NAV3: variants seen among roughly 807,000 people sequenced by gnomAD.
NAV3 encodes the protein pore membrane and/or filament interacting like protein 1.
Under a neutral mutation model 244.7 loss-of-function variants are expected in NAV3, and 87 were observed. The observed-to-expected ratio is 0.36, with a 90% confidence interval of 0.30 to 0.42. NAV3 has a LOEUF of 0.42. NAV3 is among the 20% of genes least tolerant of loss of function. NAV3 has a pLI of 1.00. For missense variants in NAV3, 2,663 were observed against 2,893.3 expected, an observed-to-expected ratio of 0.92 and a Z score of 1.83; for synonymous variants, 1,126 against 1,042.2, an observed-to-expected ratio of 1.08 and a Z score of -1.55.
At position 78,119,573 on chromosome 12, in the gene NAV3, A is replaced by G. The variant is rs1955577098; in HGVS notation, c.3377A>G (p.His1126Arg). The part of the protein sequence containing the change: ...GSQNQDDVVL[H>R]VSSKTTLQYR... Reference sequence around the variant, plus strand: ...CAGAATCAGGATGATGTTGTGCTGCATGTTAGCTCAAAGACTACCCTACAA... The same window carrying G: ...CAGAATCAGGATGATGTTGTGCTGCGTGTTAGCTCAAAGACTACCCTACAA... The change falls in exon 15 of 40, where the codon CAT (histidine) becomes CGT (arginine). Residue 1126 changes from histidine (H) to arginine (R), a missense_variant. Coordinates refer to ENST00000397909, the MANE Select transcript of NAV3 (RefSeq NM_001024383.2). 6.2e-7 allele frequency: 1 copy of G among 1,614,086 alleles called. No homozygotes were observed. Among genetic ancestry groups the G allele is most frequent in the Non-Finnish European group, 8.5e-7 (1 of 1,180,034 alleles).
intron 2 of NAV3, among the ~76,000 whole-genome samples, chr12:77,787,630 G>A (rs1173390660): frequency 6.6e-6 from 1 of 152,146 alleles, no homozygotes; most frequent in South Asian, 2.1e-4. Context: ...GAACAGCAGC[G>A]AGGGGGAAGC....
chr12:77,747,032 A>G (rs1868581405), intron 2 of NAV3, among the ~76,000 whole-genome samples: 1 of 152,154 alleles, frequency 6.6e-6, no homozygotes, highest in Non-Finnish European at 1.5e-5. Context: ...ATCTTGCTAC[A>G]TTTGATATGG....
intron 6 of NAV3, among the ~76,000 whole-genome samples, chr12:77,995,867 G>C (rs1307015592): frequency 6.6e-6 from 1 of 151,816 alleles, no homozygotes; most frequent in Non-Finnish European, 1.5e-5. Flanking sequence ...CTAAGACTTG[G>C]GCATGTAAAA....
chr12:77,796,692 A>G (rs925463012), intron 2 of NAV3, among the ~76,000 whole-genome samples: 1 of 152,226 alleles, frequency 6.6e-6, no homozygotes, highest in Non-Finnish European at 1.5e-5. Flanking sequence ...AGAGATTACC[A>G]CAGCCACCCC....
intron 1 of NAV3, among the ~76,000 whole-genome samples, chr12:77,870,805 A>G (rs1880835197): frequency 6.6e-6 from 1 of 152,236 alleles, no homozygotes; most frequent in South Asian, 2.1e-4. Context: ...AATTGTGAAA[A>G]GCACAGGTTA....
intron 3 of NAV3, among the ~76,000 whole-genome samples, chr12:77,953,558 G>C (rs1485839582): frequency 2.0e-5 from 3 of 152,052 alleles, no homozygotes; most frequent in Admixed American, 6.6e-5. Flanking sequence ...TCTAATCACA[G>C]ACCAACTAAA....
intron 2 of NAV3, among the ~76,000 whole-genome samples, chr12:77,664,233 A>G (rs1334858630): frequency 6.6e-6 from 1 of 152,250 alleles, no homozygotes; most frequent in Non-Finnish European, 1.5e-5. Flanking sequence ...CAATACAATA[A>G]GAACTGAAAA....
At chr12:77,979,678 C>G (rs567448840) in intron 5 of NAV3, among the ~76,000 whole-genome samples, 2 of 139,002 alleles carry the variant, frequency 1.4e-5, no homozygotes, top group Admixed American at 1.6e-4. Flanking sequence ...ACTGATCTCT[C>G]AGTCTCATAA....
At chr12:78,178,532 T>A in intron 28 of NAV3, among the ~76,000 whole-genome samples, 1 of 152,064 alleles carries the variant, frequency 6.6e-6, no homozygotes, top group Admixed American at 6.6e-5. Context: ...AAATTGTGGA[T>A]AAACTATAAT....
intron 30 of NAV3, among the ~76,000 whole-genome samples, chr12:78,184,970 T>C (rs1272493235): frequency 6.6e-6 from 1 of 151,854 alleles, no homozygotes; most frequent in Non-Finnish European, 1.5e-5. Flanking sequence ...TAGCTAACTT[T>C]ATCATGCTTC....
chr12:78,119,521 G>A lies in NAV3; in HGVS notation c.3325G>A (p.Gly1109Arg), dbSNP rs1200320188. The change falls in exon 15 of 40, where the codon GGG becomes AGG. Residue 1109 changes from glycine to arginine, a missense_variant. Transcript: ENST00000397909. ...SAAIGGKSNA[G>R]RKTSLDGSQN... is the part of the protein sequence containing the mutation. ...TGCCATTGGCGGGAAGTCAAATGCA[G>A]GGAGAAAAACCAGTTTGGACGGTTC... 6.2e-7 allele frequency: 1 copy of A among 1,614,204 alleles called. No homozygotes were observed. The highest frequency in any genetic ancestry group is 8.5e-7 in the Non-Finnish European group (1 of 1,180,036).
intron 2 of NAV3, among the ~76,000 whole-genome samples, chr12:77,647,507 TA>T (rs1872656164): frequency 6.6e-6 from 1 of 152,106 alleles, no homozygotes; most frequent in South Asian, 2.1e-4. Context: ...AATTTTTTTT[TA>T]ATTTCAGAAA....
At chr12:78,152,785 A>T (rs1957126952) in intron 22 of NAV3, among the ~76,000 whole-genome samples, 1 of 152,004 alleles carries the variant, frequency 6.6e-6, no homozygotes, top group South Asian at 2.1e-4. Context: ...AGGATTTTTT[A>T]AATCTACAGT....
intron 2 of NAV3, among the ~76,000 whole-genome samples, chr12:77,670,968 CAT>C (rs1873944002): frequency 1.3e-5 from 2 of 152,036 alleles, no homozygotes; most frequent in African/African-American, 2.4e-5. Context: ...AAATAAAGGA[CAT>C]CCAGATAAGT....
At chr12:77,983,393 T>C (rs1233698254) in intron 5 of NAV3, among the ~76,000 whole-genome samples, 1 of 152,108 alleles carries the variant, frequency 6.6e-6, no homozygotes, top group African/African-American at 2.4e-5. Context: ...TCTACTTTCA[T>C]TGATGAATTG....
rs1028679280 is a variant in NAV3, at chr12:78,004,323, G to T, written c.881-2096G>T. Among the ~76,000 whole-genome samples the T allele has an allele frequency of 4.6e-5, 7 of 152,260 alleles. No individual in the cohort carries two copies. In the South Asian group the frequency reaches 6.2e-4, roughly 14 times the overall value. On this transcript the variant is annotated intron_variant, in intron 7 of 39. Coordinates refer to ENST00000397909, the MANE Select transcript of NAV3 (RefSeq NM_001024383.2). The stretch of plus-strand genomic sequence containing the variant: ...TTTGGTTATGGTGGAGTTGGCAATG[G>T]TGAGTGTAGGTGAGGTATAAGAAGA...
intron 8 of NAV3, 42 bp downstream of exon 8, chr12:78,007,487 C>A (rs1593261884): frequency 6.3e-7 from 1 of 1,575,870 alleles, no homozygotes; most frequent in Non-Finnish European, 8.6e-7. Context: ...AATATATTTA[C>A]AGGCCTACAT....
intron 1 of NAV3, among the ~76,000 whole-genome samples, chr12:77,877,615 G>A (rs1328986430): frequency 6.6e-6 from 1 of 152,016 alleles, no homozygotes; most frequent in African/African-American, 2.4e-5. Context: ...TTTCCCATTA[G>A]GAAATAAATA....
intron 16 of NAV3, among the ~76,000 whole-genome samples, chr12:78,123,669 G>A (rs574829052): frequency 1.6e-4 from 25 of 152,242 alleles, no homozygotes; most frequent in African/African-American, 5.8e-4. Context: ...TAAAATATTG[G>A]TGTTTCCTAT....
Sources: gnomAD v4.1 joint callset for allele counts (sites outside exome capture counted in the v4.1 genomes callset) on GRCh38, gnomAD v4.1.1 for gene constraint, MANE v1.5 for transcripts, NCBI Gene and HGNC (gene_info 2026-07-23, HGNC 2026-07-21) for gene names.